The following MORN5 variants were observed in gnomAD, a reference collection of about 807,000 sequenced individuals.
The protein encoded by MORN5 is MORN repeat-containing protein 5.
MORN5 carries 21 observed loss-of-function variants against 22.1 expected under a neutral mutation model. That is an observed-to-expected ratio of 0.95 (90% CI 0.67 to 1.37). The LOEUF is 1.37. MORN5 is among the 40% of genes most tolerant of loss of function. MORN5 has a pLI of 0.00. For missense variants in MORN5, 211 were observed against 215.1 expected, an observed-to-expected ratio of 0.98 and a Z score of 0.12; for synonymous variants, 73 against 74.0, an observed-to-expected ratio of 0.99 and a Z score of 0.07.
chr9:122,196,532 C>T (rs1458035537), intron 4 of MORN5, among the ~76,000 whole-genome samples: 1 of 151,940 alleles, frequency 6.6e-6, no homozygotes, highest in Non-Finnish European at 1.5e-5. Context: ...AGGGTTTCAC[C>T]ATGTTGGCCA....
At chr9:122,191,266 G>A (rs1215563718) in intron 4 of MORN5, among the ~76,000 whole-genome samples, 1 of 152,120 alleles carries the variant, frequency 6.6e-6, no homozygotes, top group African/African-American at 2.4e-5. Context: ...CCACACTCAC[G>A]CACACATCTC....
chr9:122,176,283 A>G (rs1472625921), intron 4 of MORN5, among the ~76,000 whole-genome samples: 1 of 152,064 alleles, frequency 6.6e-6, no homozygotes, highest in Non-Finnish European at 1.5e-5. Context: ...TCCCTTTTCC[A>G]TTTGCACAAT....
chr9:122,187,063 C>T (rs996933573), intron 4 of MORN5, among the ~76,000 whole-genome samples: 1 of 152,220 alleles, frequency 6.6e-6, no homozygotes, highest in East Asian at 1.9e-4. Context: ...AAATAGACCC[C>T]CCTTCCAGGG....
At chr9:122,170,842 G>A (rs1025635772) in intron 3 of MORN5, among the ~76,000 whole-genome samples, 1 of 152,198 alleles carries the variant, frequency 6.6e-6, no homozygotes, top group African/African-American at 2.4e-5. Context: ...GACGAGGGGA[G>A]GAGAGGGATA....
intron 4 of MORN5, among the ~76,000 whole-genome samples, chr9:122,187,385 T>TC (rs1224675194): frequency 6.6e-6 from 1 of 152,156 alleles, no homozygotes; most frequent in Non-Finnish European, 1.5e-5. Context: ...TACGGACGTG[T>TC]CCCCATCATC....
chr9:122,185,917 C>T (rs1346967167), intron 4 of MORN5, among the ~76,000 whole-genome samples: 2 of 152,206 alleles, frequency 1.3e-5, no homozygotes, highest in African/African-American at 2.4e-5. Flanking sequence ...GAGACTCCCC[C>T]ACAGCCTCCT....
chr9:122,165,672 G>C (rs1393504414), intron 1 of MORN5, among the ~76,000 whole-genome samples: 2 of 152,166 alleles, frequency 1.3e-5, no homozygotes, highest in African/African-American at 4.8e-5. Flanking sequence ...CTCCTGCATA[G>C]CACTTATCAC....
chr9:122,200,037 G>C lies in MORN5; in HGVS notation c.*106G>C, dbSNP rs1480947511. The C allele has an allele frequency of 9.2e-7, 1 of 1,087,302 alleles. No individual in the cohort carries two copies. The highest frequency in any genetic ancestry group is 1.4e-6 in the Non-Finnish European group (1 of 709,744). 67.4% of individuals were successfully genotyped at this position (1,087,302 alleles called of 1,614,324 possible). On this transcript the variant is annotated 3_prime_UTR_variant, in exon 5 of 5. Transcript: ENST00000373764. ...TGGCTGCCCTGGGGGACGGGCTGTA[G>C]TTCTAGAACCTGATTTTAACTCAGG...
At chr9:122,193,571 G>T (rs964662177) in intron 4 of MORN5, among the ~76,000 whole-genome samples, 1 of 152,228 alleles carries the variant, frequency 6.6e-6, no homozygotes. Flanking sequence ...GCGACAGAGC[G>T]AGACTCCGTC....
intron 1 of MORN5, among the ~76,000 whole-genome samples, chr9:122,165,578 A>G (rs1206142611): frequency 6.6e-6 from 1 of 151,902 alleles, no homozygotes; most frequent in Non-Finnish European, 1.5e-5. Flanking sequence ...TGGTCTTGGG[A>G]AAAAAACAAA....
At chr9:122,165,979 A>C (rs192625715) in intron 1 of MORN5, among the ~76,000 whole-genome samples, 1 of 152,294 alleles carries the variant, frequency 6.6e-6, no homozygotes, top group East Asian at 1.9e-4. Context: ...AAAGAGGCTT[A>C]ATGGACTCAC....
intron 4 of MORN5, among the ~76,000 whole-genome samples, chr9:122,191,511 C>T (rs978471054): frequency 6.6e-6 from 1 of 152,190 alleles, no homozygotes; most frequent in Non-Finnish European, 1.5e-5. Flanking sequence ...CCCACATACA[C>T]GCGGAGCTGG....
chr9:122,191,017 C>G (rs779131027), intron 4 of MORN5, among the ~76,000 whole-genome samples: 8 of 152,354 alleles, frequency 5.3e-5, no homozygotes, highest in South Asian at 4.1e-4. Flanking sequence ...CTAGACCCCC[C>G]CAAAAGACGA....
At chr9:122,173,508 G>A (rs1171131924) in intron 3 of MORN5, among the ~76,000 whole-genome samples, 1 of 152,202 alleles carries the variant, frequency 6.6e-6, no homozygotes, top group African/African-American at 2.4e-5. Context: ...AGTACCTACT[G>A]TGTGCAAGAC....
chr9:122,160,117 T>G (rs1829169032), intron 1 of MORN5, 98 bp downstream of exon 1: 1 of 1,134,310 alleles, frequency 8.8e-7, no homozygotes, highest in Non-Finnish European at 1.3e-6. Flanking sequence ...CCAGGCACTT[T>G]CACAAACTTG....
intron 1 of MORN5, 64 bp from the exon 2 acceptor site, chr9:122,166,704 T>C (rs1337391984): frequency 3.4e-6 from 5 of 1,484,882 alleles, no homozygotes; most frequent in Non-Finnish European, 3.7e-6. Flanking sequence ...CTCACTCTGT[T>C]GCCTGCCAGC....
chr9:122,183,628 T>C (rs1829567942), intron 4 of MORN5, among the ~76,000 whole-genome samples: 1 of 152,234 alleles, frequency 6.6e-6, no homozygotes, highest in African/African-American at 2.4e-5. Flanking sequence ...AAGAATATCC[T>C]GATCATCAGA....
At chr9:122,194,408 T>C (rs1314950178) in intron 4 of MORN5, among the ~76,000 whole-genome samples, 1 of 152,106 alleles carries the variant, frequency 6.6e-6, no homozygotes, top group Non-Finnish European at 1.5e-5. Context: ...CGTAAACAAA[T>C]ACATATGCAG....
At position 122,197,260 on chromosome 9, in the gene MORN5, C is replaced by T. The variant is rs1829912875; in HGVS notation, c.440-2625C>T. ...TAAAGAGTTTGTGGGGTGTTTTTCC[C>T]CCATCTTTTTTCTCCCTCCTTTCCC... On this transcript the variant is annotated intron_variant, in intron 4 of 4. Transcript: ENST00000373764. This position sits in a 1 kb window ranked among gnomAD's most constrained non-coding sequence, Gnocchi z 5.7. Among the ~76,000 whole-genome samples, 2 of 152,078 alleles carry T rather than the reference C, an allele frequency of 1.3e-5. No individual in the cohort carries two copies. The highest frequency in any genetic ancestry group is 2.1e-4 in the South Asian group (1 of 4,822).
Sources: gnomAD v4.1 joint callset for allele counts (sites outside exome capture counted in the v4.1 genomes callset) on GRCh38, gnomAD v4.1.1 for gene constraint, Gnocchi (gnomAD v3.1) non-coding constraint, MANE v1.5 for transcripts, NCBI Gene and HGNC (gene_info 2026-07-23, HGNC 2026-07-21) for gene names.